EPHA6: variants seen among roughly 807,000 people sequenced by gnomAD.
EPHA6 encodes ephrin type-A receptor 6.
A neutral mutation model predicts 112.0 loss-of-function variants in EPHA6; 50 were observed. That is an observed-to-expected ratio of 0.45 (90% CI 0.36 to 0.56). The LOEUF (loss-of-function observed/expected upper bound fraction) is 0.56, where lower values mean the gene tolerates loss of function less well. Among genes scored for constraint, EPHA6 ranks in the 20% least tolerant of loss-of-function variants. EPHA6 has a pLI of 0.00. For synonymous variants in EPHA6, 529 were observed against 490.7 expected (o/e 1.08, Z -1.03); for missense variants, 1,280 against 1,417.4 (o/e 0.90, Z 1.56).
chr3:97,098,821 G>C (rs1010275316), intron 3 of EPHA6, among the ~76,000 whole-genome samples: 4 of 151,850 alleles, frequency 2.6e-5, no homozygotes, highest in African/African-American at 9.7e-5. Flanking sequence ...GTCCACAACT[G>C]ATGAATGTTT....
At chr3:97,027,696 C>T (rs574380496) in intron 3 of EPHA6, among the ~76,000 whole-genome samples, 1 of 152,256 alleles carries the variant, frequency 6.6e-6, no homozygotes, top group South Asian at 2.1e-4. Context: ...ACTTTTAATG[C>T]TTTATAACAG....
intron 5 of EPHA6, among the ~76,000 whole-genome samples, chr3:97,359,294 T>G (rs970914455): frequency 6.6e-6 from 1 of 152,108 alleles, no homozygotes; most frequent in African/African-American, 2.4e-5. Context: ...TGCCCTATCT[T>G]CAAGTTCATG....
chr3:97,408,984 C>A (rs2087539241), intron 6 of EPHA6, among the ~76,000 whole-genome samples: 1 of 152,076 alleles, frequency 6.6e-6, no homozygotes. Context: ...CAATCCTTGC[C>A]TAACACAGCT....
At chr3:97,690,465 C>T (rs541453906) in intron 14 of EPHA6, among the ~76,000 whole-genome samples, 142 of 149,956 alleles carry the variant, frequency 9.5e-4, no homozygotes, top group African/African-American at 3.1e-3. Flanking sequence ...GTCTACTTTT[C>T]GCCCTTTTTT....
Position 97,507,721 on chromosome 3 carries a change from A to T in EPHA6, c.2200+23662A>T, listed in dbSNP as rs181928030. Among the ~76,000 whole-genome samples the T allele has an allele frequency of 2.4e-3, 362 of 152,240 alleles. 5 individuals are homozygous for T. The highest frequency in any genetic ancestry group is 6.0e-4 in the Non-Finnish European group (41 of 68,026). ...CCCTCTTTTTTCTGTTGTTTGGAAC[A>T]GCTTTAGAAGGAATGGTACCAGCTC... On this transcript the variant is annotated intron_variant, in intron 10 of 17. Transcript: ENST00000389672.
chr3:97,445,390 C>G (rs949971623), intron 6 of EPHA6, among the ~76,000 whole-genome samples: 13 of 152,062 alleles, frequency 8.5e-5, no homozygotes, highest in Non-Finnish European at 1.5e-4. Flanking sequence ...TTATTTACTC[C>G]CTGATACCAT....
At chr3:97,238,377 A>G (rs1249150333) in intron 4 of EPHA6, among the ~76,000 whole-genome samples, 1 of 151,982 alleles carries the variant, frequency 6.6e-6, no homozygotes, top group African/African-American at 2.4e-5. Context: ...ATACTTGTCA[A>G]AATTTGTACT....
At chr3:97,177,295 A>G (rs2076862699) in intron 3 of EPHA6, among the ~76,000 whole-genome samples, 1 of 151,966 alleles carries the variant, frequency 6.6e-6, no homozygotes, top group South Asian at 2.1e-4. Context: ...GTGACCTAAC[A>G]TATGGCCTAT....
chr3:97,554,900 C>T (rs1381431622), intron 11 of EPHA6, among the ~76,000 whole-genome samples: 3 of 151,724 alleles, frequency 2.0e-5, no homozygotes, highest in African/African-American at 7.3e-5. Context: ...CCAGAGATAA[C>T]AAAGGGCTCA....
chr3:97,093,504 C>T (rs571020406), intron 3 of EPHA6, among the ~76,000 whole-genome samples: 13 of 151,938 alleles, frequency 8.6e-5, no homozygotes, highest in Non-Finnish European at 2.9e-5. Context: ...GGGCTGAGAT[C>T]GTGTAACTGC....
At chr3:97,192,241 A>G (rs2077326924) in intron 3 of EPHA6, among the ~76,000 whole-genome samples, 1 of 152,000 alleles carries the variant, frequency 6.6e-6, no homozygotes, top group African/African-American at 2.4e-5. Context: ...GGTTCAAGCC[A>G]CTCTGGTGCC....
intron 3 of EPHA6, among the ~76,000 whole-genome samples, chr3:96,995,512 A>G (rs1336021922): frequency 1.3e-5 from 2 of 152,116 alleles, no homozygotes; most frequent in African/African-American, 4.8e-5. Context: ...TGAGAAGTCT[A>G]AAAATAGAAG....
intron 1 of EPHA6, among the ~76,000 whole-genome samples, chr3:96,855,426 G>A (rs903466612): frequency 1.8e-4 from 27 of 152,034 alleles, no homozygotes; most frequent in African/African-American, 6.5e-4. Flanking sequence ...TGAGGGATGA[G>A]TTAAGGATAG....
intron 3 of EPHA6, among the ~76,000 whole-genome samples, chr3:97,057,829 T>C (rs1265458271): frequency 6.6e-6 from 1 of 152,212 alleles, no homozygotes; most frequent in Non-Finnish European, 1.5e-5. Flanking sequence ...GAATTGAGCA[T>C]TCTTGTAATG....
At chr3:96,839,491 A>T (rs969469689) in intron 1 of EPHA6, among the ~76,000 whole-genome samples, 1 of 152,116 alleles carries the variant, frequency 6.6e-6, no homozygotes, top group Non-Finnish European at 1.5e-5. Flanking sequence ...GGTGCCAAAA[A>T]GTTTGAGGAC....
At chr3:97,022,397 G>T (rs1057222086) in intron 3 of EPHA6, among the ~76,000 whole-genome samples, 1 of 152,010 alleles carries the variant, frequency 6.6e-6, no homozygotes, top group African/African-American at 2.4e-5. Flanking sequence ...AGCTACTTGA[G>T]TTATTAGTTT....
intron 2 of EPHA6, among the ~76,000 whole-genome samples, chr3:96,901,077 A>C (rs2038582191): frequency 6.6e-6 from 1 of 152,196 alleles, no homozygotes; most frequent in South Asian, 2.1e-4. Context: ...AAGAGCTAAT[A>C]TTATTTCTAT....
intron 10 of EPHA6, among the ~76,000 whole-genome samples, chr3:97,487,114 C>G (rs1360014909): frequency 1.3e-5 from 2 of 152,068 alleles, no homozygotes; most frequent in East Asian, 3.9e-4. Context: ...TGACAATTGT[C>G]AAGTGCAGGA....
chr3:97,644,277 G>C (rs865906467), intron 14 of EPHA6, among the ~76,000 whole-genome samples: 1 of 148,996 alleles, frequency 6.7e-6, no homozygotes, highest in South Asian at 2.2e-4. Flanking sequence ...TCTCTGGGAC[G>C]CATTCAAAGC....
Sources: gnomAD v4.1 joint callset for allele counts (sites outside exome capture counted in the v4.1 genomes callset) on GRCh38, gnomAD v4.1.1 for gene constraint, MANE v1.5 for transcripts, NCBI Gene and HGNC (gene_info 2026-07-23, HGNC 2026-07-21) for gene names.